The following SPTLC3 variants were observed in gnomAD, a reference collection of about 807,000 sequenced individuals.
The protein encoded by SPTLC3 is serine palmitoyltransferase long chain base subunit 3.
SPTLC3 carries 36 observed loss-of-function variants against 59.3 expected under a neutral mutation model. That is an observed-to-expected ratio of 0.61 (90% CI 0.47 to 0.80). The LOEUF (loss-of-function observed/expected upper bound fraction) is 0.80. Among genes scored for constraint, SPTLC3 ranks in the 30% least tolerant of loss-of-function variants. The pLI is 0.00. For missense variants in SPTLC3, 625 were observed against 685.1 expected, an observed-to-expected ratio of 0.91 and a Z score of 0.98; for synonymous variants, 257 against 240.8, an observed-to-expected ratio of 1.07 and a Z score of -0.62.
chr20:13,086,947 G>A (rs1258784794), intron 4 of SPTLC3, among the ~76,000 whole-genome samples: 2 of 152,000 alleles, frequency 1.3e-5, no homozygotes, highest in African/African-American at 4.8e-5. Flanking sequence ...ATACCACCAT[G>A]CCCAGCTACT....
chr20:13,038,045 A>AATATATATATAT (rs74181398), intron 1 of SPTLC3, among the ~76,000 whole-genome samples: 18 of 139,612 alleles, frequency 1.3e-4, no homozygotes, highest in African/African-American at 3.0e-4. Flanking sequence ...GAAAATCATG[A>AATATATATATAT]ATATATATAT....
intron 11 of SPTLC3, chr20:13,164,485 GT>G: frequency 1.9e-6 from 1 of 535,332 alleles, no homozygotes. Context: ...TGGGTCACAT[GT>G]TTTTATTCTT....
chr20:13,159,970 CTTT>C lies in SPTLC3; in HGVS notation c.1416-24_1416-22del, dbSNP rs76977323. On this transcript the variant is annotated intron_variant, in intron 10 of 11. Coordinates refer to ENST00000399002, the MANE Select transcript of SPTLC3 (RefSeq NM_018327.4). ...AATTTTGTCTTTTCCCAACTAACCACTTTTTTTTTTTCTTTTTTTGCTTTTCCT... is the reference window on the plus strand; with the variant it reads ...AATTTTGTCTTTTCCCAACTAACCACTTTTTTTTCTTTTTTTGCTTTTCCT... 5.2e-6 allele frequency: 6 copies of C among 1,163,924 alleles called. No individual in the cohort carries two copies. In the Admixed American group the frequency reaches 9.7e-5, roughly 19 times the overall value. The allele number at this position is 1,163,924 out of a possible 1,614,324, so 72.1% of individuals were successfully genotyped here. A position where few individuals can be genotyped will look rare whatever the true frequency, so the allele number is the denominator to read the frequency against.
rs564159128 is a variant in SPTLC3 at position 13,106,555 on chromosome 20, G to A, written c.827-3557G>A. On this transcript the variant is annotated intron_variant, in intron 6 of 11. Transcript: ENST00000399002. ...GAGAATCAGGAGGCTGTGTGTTGGG[G>A]GATGTTGACAAACTATGTCAGAAAG... Among the ~76,000 whole-genome samples, 22 of 152,256 alleles carry A rather than the reference G, an allele frequency of 1.4e-4. 1 individual carries two copies. Among genetic ancestry groups the A allele is most frequent in the Admixed American group, 1.3e-3 (20 of 15,292 alleles).
In SPTLC3 at chr20:13,134,324, C is replaced by T. The variant is rs1048355720; in HGVS notation, c.1279+7607C>T. On this transcript the variant is annotated intron_variant, in intron 9 of 11. Transcript: ENST00000399002. ...TCAGCAATCTGAGTAAATAAACTTG[C>T]TCATCAAGGACAACTTCTTTCTTAT... Among the ~76,000 whole-genome samples the T allele has an allele frequency of 7.9e-5, 12 of 152,182 alleles. No homozygotes were observed. The East Asian group carries it at 2.1e-3, about 27-fold the overall frequency.
chr20:13,128,647 G>A (rs1214298633), intron 9 of SPTLC3, among the ~76,000 whole-genome samples: 1 of 151,966 alleles, frequency 6.6e-6, no homozygotes, highest in Non-Finnish European at 1.5e-5. Flanking sequence ...TGGATAAACA[G>A]GTACCTTTTA....
intron 2 of SPTLC3, among the ~76,000 whole-genome samples, chr20:13,065,764 C>T (rs1025540070): frequency 6.6e-6 from 1 of 151,102 alleles, no homozygotes; most frequent in Non-Finnish European, 1.5e-5. Flanking sequence ...TTTTTTACTT[C>T]TCCTTTTTTA....
At chr20:13,142,774 A>G (rs2038416558) in intron 9 of SPTLC3, among the ~76,000 whole-genome samples, 2 of 152,172 alleles carry the variant, frequency 1.3e-5, no homozygotes, top group South Asian at 2.1e-4. Flanking sequence ...TTGGGGCTGT[A>G]GGACTGAGAT....
rs998461174 is a variant in SPTLC3, at chr20:13,168,801, A to T, written c.*3934A>T. ...ATTCTTGGCAATGTTTCCTGGTCTC[A>T]AAACAGTAAGAACAATTTGAAGTCT... On this transcript the variant is annotated 3_prime_UTR_variant, in exon 12 of 12. Coordinates refer to ENST00000399002, the MANE Select transcript of SPTLC3 (RefSeq NM_018327.4). 1 of 152,198 alleles carries T rather than the reference A, an allele frequency of 6.6e-6. No homozygotes were observed. The highest frequency in any genetic ancestry group is 2.4e-5 in the African/African-American group (1 of 41,456). The allele number at this position is 152,198 out of a possible 1,614,324, so 9.4% of individuals were successfully genotyped here. A position where few individuals can be genotyped will look rare whatever the true frequency, so the allele number is the denominator to read the frequency against.
In SPTLC3 at chr20:13,154,766, C is replaced by A. The variant is rs1479451089; in HGVS notation, c.1415+628C>A. Among the ~76,000 whole-genome samples, 26 of 152,298 alleles carry A rather than the reference C, an allele frequency of 1.7e-4. No individual in the cohort carries two copies. In the South Asian group the frequency reaches 5.0e-3, roughly 29 times the overall value. ...GATTGCAACTTTGAAACAGCATTAG[C>A]AACAACTGCATAAAGAGGAAAACAT... On this transcript the variant is annotated intron_variant, in intron 10 of 11. Coordinates refer to ENST00000399002, the MANE Select transcript of SPTLC3 (RefSeq NM_018327.4).
At position 13,110,114 on chromosome 20, in the gene SPTLC3, A is replaced by G. The variant is rs1310364405; in HGVS notation, c.829A>G (p.Thr277Ala). The G allele has an allele frequency of 1.9e-6, 3 of 1,601,204 alleles. No homozygotes were observed. The South Asian group carries it at 3.4e-5, about 18-fold the overall frequency. ...ATIRIFKHNN[T>A]QSLEKLLRDA... is the part of the protein sequence containing the mutation. ...TTTTTTTTTGGTATTATTTAAAGAC[A>G]CACAAAGCCTAGAGAAGCTCCTGAG... is the stretch of plus-strand genomic sequence containing the variant. Residue 277 changes from threonine to alanine, a missense_variant and splice_region_variant, in exon 7 of 12, where the codon ACA (threonine) becomes GCA (alanine). Thr to Ala is a moderately conservative substitution (Grantham distance 58, BLOSUM62 0). Coordinates refer to ENST00000399002, the MANE Select transcript of SPTLC3 (RefSeq NM_018327.4).
At chr20:13,009,488 G>C in intron 1 of SPTLC3, 104 bp downstream of exon 1, 1 of 1,082,600 alleles carries the variant, frequency 9.2e-7, no homozygotes, top group Non-Finnish European at 1.4e-6. Context: ...ATCTTATGAA[G>C]GGTTTTTACA....
intron 2 of SPTLC3, among the ~76,000 whole-genome samples, chr20:13,065,340 G>A (rs1305929286): frequency 2.1e-5 from 3 of 141,466 alleles, no homozygotes; most frequent in African/African-American, 7.9e-5. Context: ...AATAGTTCTT[G>A]GTGAATTTTT....
intron 1 of SPTLC3, among the ~76,000 whole-genome samples, chr20:13,031,479 G>A (rs1986445477): frequency 6.6e-6 from 1 of 152,090 alleles, no homozygotes; most frequent in Non-Finnish European, 1.5e-5. Flanking sequence ...ATATAATTTT[G>A]GAATGAATGA....
chr20:13,070,514 C>T (rs1279665612), intron 2 of SPTLC3, among the ~76,000 whole-genome samples: 2 of 152,176 alleles, frequency 1.3e-5, no homozygotes, highest in East Asian at 3.9e-4. Flanking sequence ...TCCCCATGGT[C>T]TCCTTGTTCC....
At chr20:13,033,194 A>G (rs1202080086) in intron 1 of SPTLC3, among the ~76,000 whole-genome samples, 1 of 152,204 alleles carries the variant, frequency 6.6e-6, no homozygotes, top group African/African-American at 2.4e-5. Flanking sequence ...CAAAGGTTAG[A>G]AAGGAAAGAA....
At chr20:13,092,535 A>G (rs1338700775) in intron 5 of SPTLC3, among the ~76,000 whole-genome samples, 3 of 152,226 alleles carry the variant, frequency 2.0e-5, no homozygotes, top group South Asian at 2.1e-4. Context: ...AAATGATAGT[A>G]TTGTAGAAGC....
chr20:13,057,910 C>T (rs1377194694), intron 2 of SPTLC3, among the ~76,000 whole-genome samples: 1 of 152,172 alleles, frequency 6.6e-6, no homozygotes, highest in Non-Finnish European at 1.5e-5. Flanking sequence ...TAATGTCGAG[C>T]ATCATCAGAG....
intron 4 of SPTLC3, chr20:13,079,764 C>A (rs1316978439): frequency 2.1e-6 from 1 of 470,240 alleles, no homozygotes; most frequent in Non-Finnish European, 4.4e-6. Flanking sequence ...TTCACCTCAT[C>A]CTGGCAGAAT....
Sources: gnomAD v4.1 joint callset for allele counts (sites outside exome capture counted in the v4.1 genomes callset) on GRCh38, gnomAD v4.1.1 for gene constraint, MANE v1.5 for transcripts, NCBI Gene and HGNC (gene_info 2026-07-23, HGNC 2026-07-21) for gene names.